Variants in TGFA observed in about 807,000 individuals in gnomAD.
The protein encoded by TGFA is protransforming growth factor alpha.
A neutral mutation model predicts 21.7 loss-of-function variants in TGFA; 12 were observed. The ratio of observed to expected loss-of-function variants is 0.55; its 90% CI spans 0.35 to 0.90. TGFA has a LOEUF of 0.90. TGFA is among the 40% of genes least tolerant of loss of function. TGFA has a pLI of 0.01. For synonymous variants in TGFA, 79 were observed against 88.1 expected, an observed-to-expected ratio of 0.90 and a Z score of 0.58; for missense variants, 178 against 210.8, an observed-to-expected ratio of 0.84 and a Z score of 0.96.
chr2:70,533,330 A>AC (rs1317191809), intron 1 of TGFA, among the ~76,000 whole-genome samples: 10 of 147,710 alleles, frequency 6.8e-5, no homozygotes, highest in Non-Finnish European at 1.5e-4. Flanking sequence ...CCCTACCCCC[A>AC]CCCCCCAACA....
chr2:70,548,772 G>A (rs1385134914), intron 1 of TGFA, among the ~76,000 whole-genome samples: 2 of 152,102 alleles, frequency 1.3e-5, no homozygotes, highest in African/African-American at 2.4e-5. Context: ...TACAACAAAC[G>A]TGTAATCCTT....
intron 2 of TGFA, among the ~76,000 whole-genome samples, chr2:70,494,029 C>G (rs1190792238): frequency 1.3e-5 from 2 of 152,118 alleles, no homozygotes; most frequent in Non-Finnish European, 2.9e-5. Flanking sequence ...GGGATAAACT[C>G]AAAGTGTCAT....
intron 1 of TGFA, among the ~76,000 whole-genome samples, chr2:70,516,152 C>T (rs532192513): frequency 6.6e-6 from 1 of 152,210 alleles, no homozygotes; most frequent in African/African-American, 2.4e-5. Context: ...AGAATGACTT[C>T]CCAAAACTGA....
At chr2:70,490,619 A>T (rs948487183) in intron 2 of TGFA, among the ~76,000 whole-genome samples, 1 of 152,206 alleles carries the variant, frequency 6.6e-6, no homozygotes. Flanking sequence ...CTGCCAGGGG[A>T]TAGAACTTCC....
chr2:70,488,043 T>G (rs1553496977), intron 2 of TGFA, among the ~76,000 whole-genome samples: 1 of 152,260 alleles, frequency 6.6e-6, no homozygotes, highest in African/African-American at 2.4e-5. Flanking sequence ...TTAACTGCAT[T>G]TTCTTAATTT....
At chr2:70,550,497 A>G (rs1553506631) in intron 1 of TGFA, among the ~76,000 whole-genome samples, 2 of 151,948 alleles carry the variant, frequency 1.3e-5, no homozygotes, top group African/African-American at 4.8e-5. Flanking sequence ...AGATTAAATT[A>G]AAAAGAATTA....
chr2:70,485,821 GTGGC>G (rs1646780307), intron 2 of TGFA, among the ~76,000 whole-genome samples: 1 of 152,068 alleles, frequency 6.6e-6, no homozygotes, highest in Non-Finnish European at 1.5e-5. Context: ...CCCCACTCTG[GTGGC>G]TGGCTGTGTT....
chr2:70,498,161 C>A (rs1400240442), intron 2 of TGFA, among the ~76,000 whole-genome samples: 2 of 152,238 alleles, frequency 1.3e-5, no homozygotes, highest in East Asian at 3.8e-4. Context: ...AGAGCTGGAG[C>A]AGCTCATAAA....
intron 1 of TGFA, among the ~76,000 whole-genome samples, chr2:70,527,868 T>C (rs1166267023): frequency 6.6e-6 from 1 of 152,246 alleles, no homozygotes; most frequent in Admixed American, 6.5e-5. Flanking sequence ...CCAGTCATAC[T>C]GTTTCCCTAG....
At chr2:70,490,490 G>A (rs1440354218) in intron 2 of TGFA, among the ~76,000 whole-genome samples, 4 of 152,188 alleles carry the variant, frequency 2.6e-5, no homozygotes, top group Non-Finnish European at 4.4e-5. Flanking sequence ...CTGCAGTTAC[G>A]TAAGTACAGT....
chr2:70,529,671 T>C lies in TGFA; in HGVS notation c.41-14759A>G, dbSNP rs1672757837. ...CCGGGAAATGAGGCTGGAGAGATGC[T>C]GGGGCAGACGCCTCCAGTGGGGAGC... On this transcript the variant is annotated intron_variant, in intron 1 of 5. Coordinates refer to ENST00000295400, the MANE Select transcript of TGFA (RefSeq NM_003236.4). Among the ~76,000 whole-genome samples, 4 of 152,050 alleles carry C rather than the reference T, an allele frequency of 2.6e-5. No individual in the cohort carries two copies. The South Asian group carries it at 8.3e-4, about 32-fold the overall frequency.
intron 1 of TGFA, among the ~76,000 whole-genome samples, chr2:70,538,975 A>G (rs192706180): frequency 1.0e-3 from 156 of 152,332 alleles, no homozygotes; most frequent in South Asian, 1.7e-3. Context: ...TGCTCCAGTT[A>G]CCCTAACCTT....
intron 1 of TGFA, among the ~76,000 whole-genome samples, chr2:70,545,899 C>G (rs1553505824): frequency 2.0e-5 from 3 of 151,978 alleles, no homozygotes; most frequent in Non-Finnish European, 4.4e-5. Context: ...TTATAAAACT[C>G]CAAGAAAAGG....
At chr2:70,524,699 G>A (rs1553502757) in intron 1 of TGFA, among the ~76,000 whole-genome samples, 1 of 152,260 alleles carries the variant, frequency 6.6e-6, no homozygotes, top group Admixed American at 6.5e-5. Flanking sequence ...GAGTCCAGGA[G>A]GGAGGAAGAA....
intron 2 of TGFA, among the ~76,000 whole-genome samples, chr2:70,499,722 T>TA (rs1266986690): frequency 6.6e-6 from 1 of 152,184 alleles, no homozygotes; most frequent in Non-Finnish European, 1.5e-5. Flanking sequence ...GGTTCATCCG[T>TA]ATGCAGAGCA....
chr2:70,537,788 G>A (rs1335613161), intron 1 of TGFA, among the ~76,000 whole-genome samples: 1 of 152,234 alleles, frequency 6.6e-6, no homozygotes, highest in Admixed American at 6.5e-5. Context: ...AGCAGCAAGT[G>A]CTGACGTAGG....
intron 3 of TGFA, among the ~76,000 whole-genome samples, chr2:70,460,976 CA>C (rs371601099): frequency 8.5e-5 from 13 of 152,202 alleles, no homozygotes; most frequent in African/African-American, 2.9e-4. Flanking sequence ...AAATTTTAAT[CA>C]ATTAATTTAA....
At chr2:70,527,228 C>T (rs1672663677) in intron 1 of TGFA, among the ~76,000 whole-genome samples, 1 of 152,164 alleles carries the variant, frequency 6.6e-6, no homozygotes, top group Non-Finnish European at 1.5e-5. Context: ...AATGGATAAA[C>T]AAATTGTGGT....
intron 2 of TGFA, among the ~76,000 whole-genome samples, chr2:70,488,692 A>C (rs11126273): frequency 0.091 from 13,782 of 152,250 alleles, 727 homozygotes; most frequent in Non-Finnish European, 0.11. Context: ...CGTTAGAATC[A>C]TTTATAAGTT....
Sources: allele counts gnomAD v4.1 joint callset (sites outside exome capture counted in the v4.1 genomes callset), GRCh38; gene constraint gnomAD v4.1.1; transcripts MANE v1.5; gene names NCBI Gene and HGNC (gene_info 2026-07-23, HGNC 2026-07-21).